The following PLD1 variants were observed in gnomAD, a reference collection of about 807,000 sequenced individuals.
PLD1 encodes the protein choline phosphatase 1.
In PLD1, 112 loss-of-function variants were observed where a neutral mutation model predicts 137.1. The ratio of observed to expected loss-of-function variants is 0.82; its 90% CI spans 0.70 to 0.96. The LOEUF is 0.96. Among genes scored for constraint, PLD1 ranks in the 40% least tolerant of loss-of-function variants. PLD1 has a pLI of 0.00. For missense variants in PLD1, 1,321 were observed against 1,342.0 expected, an observed-to-expected ratio of 0.98 and a Z score of 0.24; for synonymous variants, 431 against 454.7, an observed-to-expected ratio of 0.95 and a Z score of 0.66.
At chr3:171,799,337 TAAAAAAAAAA>T (rs758379833) in intron 1 of PLD1, among the ~76,000 whole-genome samples, 1 of 57,886 alleles carries the variant, frequency 1.7e-5, no homozygotes, top group African/African-American at 6.8e-5. Flanking sequence ...AGACTCCGTC[TAAAAAAAAAA>T]AAAAAAAAAA....
rs9821754 is a variant in PLD1, at chr3:171,662,111, G to A, written c.2289C>T (p.His763=). The A allele has an allele frequency of 2.9e-3, 4,728 of 1,613,494 alleles. 29 individuals carry two copies. The highest frequency in any genetic ancestry group is 0.021 in the African/African-American group (1,551 of 75,012). ...TCTCTATCACATGGACGTAAGCGGC[G>A]TGGATGGACTCTTCATGGTACTTTA... is the stretch of plus-strand genomic sequence containing the variant. ...AGIKYHEESI[H]AAYVHVIENS... The change falls in exon 20 of 27, where the codon CAC becomes CAT. Residue 763 remains histidine (H), a synonymous_variant. Transcript: ENST00000351298.
chr3:171,649,149 C>T (rs1736513363), intron 21 of PLD1, among the ~76,000 whole-genome samples: 1 of 151,804 alleles, frequency 6.6e-6, no homozygotes, highest in Non-Finnish European at 1.5e-5. Flanking sequence ...AGGGAGATCT[C>T]ATATGTATGA....
intron 12 of PLD1, among the ~76,000 whole-genome samples, chr3:171,696,208 C>T (rs529431300): frequency 7.9e-5 from 12 of 152,290 alleles, no homozygotes; most frequent in Admixed American, 7.8e-4. Flanking sequence ...CACAAAATTG[C>T]GTGTGGGGAT....
At chr3:171,651,895 G>C (rs1200418447) in intron 21 of PLD1, among the ~76,000 whole-genome samples, 2 of 152,050 alleles carry the variant, frequency 1.3e-5, no homozygotes, top group Non-Finnish European at 1.5e-5. Context: ...ATGAGTGCTG[G>C]CCCCTGCCCT....
intron 1 of PLD1, among the ~76,000 whole-genome samples, chr3:171,764,898 A>AG (rs1721783567): frequency 2.9e-5 from 1 of 33,912 alleles, no homozygotes; most frequent in Non-Finnish European, 6.2e-5. Flanking sequence ...AAAGAAAGGA[A>AG]GGAAGGAAGG....
intron 1 of PLD1, chr3:171,793,808 G>A (rs915780971): frequency 9.9e-5 from 15 of 151,968 alleles, no homozygotes; most frequent in Non-Finnish European, 2.1e-4. Context: ...TAGGTTATTC[G>A]CCTCACTTCA....
chr3:171,747,529 C>A lies in PLD1; in HGVS notation c.-31-9447G>T, dbSNP rs184695459. The stretch of plus-strand genomic sequence containing the variant: ...ACTCCCATTCAACCCTACTATGCAA[C>A]CTTAGAGGCTCTATACAGGAAACTT... On this transcript the variant is annotated intron_variant, in intron 1 of 26. Transcript: ENST00000351298. Among the ~76,000 whole-genome samples, 172 of 151,536 alleles carry A rather than the reference C, an allele frequency of 1.1e-3. 2 individuals are homozygous for A. The South Asian group carries it at 0.015, about 13-fold the overall frequency.
intron 21 of PLD1, among the ~76,000 whole-genome samples, chr3:171,650,854 G>A (rs1395077682): frequency 1.3e-5 from 2 of 151,926 alleles, no homozygotes; most frequent in Non-Finnish European, 2.9e-5. Flanking sequence ...AGCCAAAATC[G>A]CGGCACTGCA....
intron 1 of PLD1, among the ~76,000 whole-genome samples, chr3:171,783,058 T>C (rs1463871708): frequency 1.3e-5 from 2 of 152,096 alleles, no homozygotes; most frequent in African/African-American, 2.4e-5. Context: ...CTGCTTCTAG[T>C]TTCCCAGTGA....
chr3:171,763,473 AGG>A (rs1443600981), intron 1 of PLD1, among the ~76,000 whole-genome samples: 8 of 27,898 alleles, frequency 2.9e-4, no homozygotes, highest in African/African-American at 6.3e-4. Flanking sequence ...AGGGGAGGGG[AGG>A]GGAGGGGAGG....
chr3:171,629,922 C>A (rs1373514063), intron 23 of PLD1, among the ~76,000 whole-genome samples: 1 of 151,964 alleles, frequency 6.6e-6, no homozygotes, highest in Non-Finnish European at 1.5e-5. Context: ...AGAAGAAAAC[C>A]TAGGCATTAC....
At chr3:171,766,791 G>T (rs983783542) in intron 1 of PLD1, among the ~76,000 whole-genome samples, 1 of 152,124 alleles carries the variant, frequency 6.6e-6, no homozygotes, top group African/African-American at 2.4e-5. Context: ...CCCATTCAAA[G>T]ATCAGAATTT....
At chr3:171,660,217 A>G (rs1737553285) in intron 20 of PLD1, among the ~76,000 whole-genome samples, 1 of 152,228 alleles carries the variant, frequency 6.6e-6, no homozygotes, top group Admixed American at 6.5e-5. Context: ...ATGACTATAT[A>G]AGCTTTTATA....
intron 13 of PLD1, among the ~76,000 whole-genome samples, chr3:171,692,010 A>T (rs1715207031): frequency 6.6e-6 from 1 of 152,208 alleles, no homozygotes; most frequent in African/African-American, 2.4e-5. Flanking sequence ...GATCACATCT[A>T]AGAGGTTCCA....
intron 8 of PLD1, among the ~76,000 whole-genome samples, chr3:171,721,126 G>A (rs1369584832): frequency 6.6e-6 from 1 of 152,198 alleles, no homozygotes; most frequent in Non-Finnish European, 1.5e-5. Context: ...TTTCACAGGA[G>A]TATGCCACCA....
intron 1 of PLD1, among the ~76,000 whole-genome samples, chr3:171,804,505 C>A (rs1280818609): frequency 6.6e-6 from 1 of 152,200 alleles, no homozygotes; most frequent in African/African-American, 2.4e-5. Flanking sequence ...CTACAATGGA[C>A]ACTGGAGACA....
At chr3:171,809,518 A>G (rs546767596) in intron 1 of PLD1, 3 of 152,364 alleles carry the variant, frequency 2.0e-5, no homozygotes, top group Non-Finnish European at 4.4e-5. Flanking sequence ...AAGTTAACGG[A>G]ACTCCCCATT....
chr3:171,643,007 A>C, intron 22 of PLD1, 118 bp from the exon 23 acceptor site: 1 of 654,904 alleles, frequency 1.5e-6, no homozygotes, highest in Non-Finnish European at 2.7e-6. Flanking sequence ...CTATGAGAAG[A>C]TGCTACATAT....
At chr3:171,785,900 A>G (rs1028707301) in intron 1 of PLD1, among the ~76,000 whole-genome samples, 1 of 152,220 alleles carries the variant, frequency 6.6e-6, no homozygotes, top group African/African-American at 2.4e-5. Flanking sequence ...CTCTACAGTG[A>G]TTTACCCATT....
Sources: allele counts gnomAD v4.1 joint callset (sites outside exome capture counted in the v4.1 genomes callset), GRCh38; gene constraint gnomAD v4.1.1; transcripts MANE v1.5; gene names NCBI Gene and HGNC (gene_info 2026-07-23, HGNC 2026-07-21).